ATP8A1: variants seen among roughly 807,000 people sequenced by gnomAD.
ATP8A1 encodes ATPase phospholipid transporting 8A1.
ATP8A1 carries 90 observed loss-of-function variants against 177.7 expected under a neutral mutation model. That is an observed-to-expected ratio of 0.51 (90% CI 0.43 to 0.60). The LOEUF (loss-of-function observed/expected upper bound fraction) is 0.60, where lower values mean the gene tolerates loss of function less well. Ranked by LOEUF, ATP8A1 falls within the 20% of genes least tolerant of loss-of-function variation. The pLI, the probability that ATP8A1 is intolerant of heterozygous loss-of-function variation, is 0.00. For missense variants in ATP8A1, 1,072 were observed against 1,392.8 expected (o/e 0.77, Z 3.67); for synonymous variants, 493 against 485.9 (o/e 1.01, Z -0.19).
At chr4:42,477,111 C>G (rs960386610) in intron 25 of ATP8A1, among the ~76,000 whole-genome samples, 9 of 152,088 alleles carry the variant, frequency 5.9e-5, no homozygotes, top group Non-Finnish European at 1.3e-4. Context: ...TCCCATTGTT[C>G]ACCGCTCTAT....
At chr4:42,546,530 ATG>A (rs1728945190) in intron 19 of ATP8A1, among the ~76,000 whole-genome samples, 2 of 151,796 alleles carry the variant, frequency 1.3e-5, no homozygotes, top group South Asian at 4.1e-4. Context: ...ATGTATACAT[ATG>A]TAACAAACCT....
chr4:42,618,805 T>C (rs1261593715), intron 4 of ATP8A1, among the ~76,000 whole-genome samples: 8 of 152,222 alleles, frequency 5.3e-5, no homozygotes, highest in Non-Finnish European at 5.9e-5. Flanking sequence ...ATTCATTTTC[T>C]TACTTTTCAC....
rs114693256 is a variant in ATP8A1, at chr4:42,450,194, T to C, written c.2896+1787A>G. On this transcript the variant is annotated intron_variant, in intron 30 of 36. Transcript: ENST00000381668. ...ATTATTCAGCCATAAAAAGGAAGTA[T>C]TGATTCCAGCTGCAACATGGATGAA... is the stretch of plus-strand genomic sequence containing the variant. Among the ~76,000 whole-genome samples the C allele has an allele frequency of 1.9e-4, 29 of 152,282 alleles. 1 individual carries two copies. The highest frequency in any genetic ancestry group is 6.0e-4 in the African/African-American group (25 of 41,556).
At chr4:42,516,556 A>T (rs1171499400) in intron 22 of ATP8A1, among the ~76,000 whole-genome samples, 2 of 152,388 alleles carry the variant, frequency 1.3e-5, no homozygotes, top group Middle Eastern at 3.4e-3. Context: ...TTTCAGAAAC[A>T]CAGAAATTAT....
At chr4:42,427,339 T>A (rs1714740110) in intron 33 of ATP8A1, among the ~76,000 whole-genome samples, 1 of 152,134 alleles carries the variant, frequency 6.6e-6, no homozygotes, top group African/African-American at 2.4e-5. Context: ...ATAGCTGCAA[T>A]CTCAAGAGAT....
intron 33 of ATP8A1, among the ~76,000 whole-genome samples, chr4:42,430,486 T>C (rs1276874538): frequency 6.6e-6 from 1 of 152,084 alleles, no homozygotes; most frequent in Non-Finnish European, 1.5e-5. Context: ...GTGCCTTTTT[T>C]TTTTTTCTCC....
intron 36 of ATP8A1, 68 bp from the exon 37 acceptor site, chr4:42,413,081 G>A: frequency 1.5e-6 from 2 of 1,341,780 alleles, no homozygotes; most frequent in Admixed American, 1.9e-5. Context: ...CTGACTTTTG[G>A]GTATTCATTT....
intron 1 of ATP8A1, among the ~76,000 whole-genome samples, chr4:42,653,884 T>A (rs905839656): frequency 5.9e-5 from 9 of 152,212 alleles, no homozygotes; most frequent in Non-Finnish European, 1.3e-4. Flanking sequence ...TTAAGAACTC[T>A]GAAATAAGCC....
rs557851428 is a variant in ATP8A1, at chr4:42,646,827, A to T, written c.49+9998T>A. The stretch of plus-strand genomic sequence containing the variant: ...TGAACAGAGGCTCAATTTAAAACAG[A>T]CACCTCTCTTTGCCAAGTCAATTAG... On this transcript the variant is annotated intron_variant, in intron 1 of 36. Transcript: ENST00000381668. Among the ~76,000 whole-genome samples, 76 of 152,294 alleles carry T rather than the reference A, an allele frequency of 5.0e-4. 1 individual carries two copies. The South Asian group carries it at 0.015, about 30-fold the overall frequency.
At chr4:42,439,629 C>T (rs1214994540) in intron 33 of ATP8A1, among the ~76,000 whole-genome samples, 2 of 152,192 alleles carry the variant, frequency 1.3e-5, no homozygotes, top group East Asian at 1.9e-4. Flanking sequence ...GAAATGGTTA[C>T]TGTGGCACTG....
intron 24 of ATP8A1, among the ~76,000 whole-genome samples, chr4:42,502,136 C>T (rs753349255): frequency 2.6e-5 from 4 of 151,944 alleles, no homozygotes; most frequent in Non-Finnish European, 5.9e-5. Context: ...TGTGCTAGGC[C>T]ATTTGCAGGG....
intron 19 of ATP8A1, among the ~76,000 whole-genome samples, chr4:42,546,108 C>G (rs1462233922): frequency 1.3e-5 from 2 of 152,140 alleles, no homozygotes; most frequent in African/African-American, 4.8e-5. Context: ...CTTCCTTACA[C>G]ATGCCTGTGA....
At chr4:42,525,877 T>G (rs1240753817) in intron 20 of ATP8A1, among the ~76,000 whole-genome samples, 1 of 152,008 alleles carries the variant, frequency 6.6e-6, no homozygotes, top group African/African-American at 2.4e-5. Flanking sequence ...ACAGATGGAG[T>G]ATTCCAAGCC....
intron 22 of ATP8A1, among the ~76,000 whole-genome samples, chr4:42,511,124 T>C (rs1724963723): frequency 6.6e-6 from 1 of 152,238 alleles, no homozygotes; most frequent in African/African-American, 2.4e-5. Flanking sequence ...CACTGGTTAA[T>C]TTTAGCAGAA....
chr4:42,462,490 G>T (rs1420011017), intron 27 of ATP8A1, among the ~76,000 whole-genome samples: 1 of 152,244 alleles, frequency 6.6e-6, no homozygotes, highest in Non-Finnish European at 1.5e-5. Flanking sequence ...TGTTGAGCCT[G>T]AGAGTGCACA....
intron 20 of ATP8A1, among the ~76,000 whole-genome samples, chr4:42,539,767 T>C (rs555051691): frequency 2.0e-5 from 3 of 152,192 alleles, no homozygotes; most frequent in South Asian, 4.1e-4. Flanking sequence ...AACTGAACCC[T>C]TATCTCTTGC....
chr4:42,513,094 T>G (rs1450114799), intron 22 of ATP8A1, among the ~76,000 whole-genome samples: 1 of 152,224 alleles, frequency 6.6e-6, no homozygotes, highest in East Asian at 1.9e-4. Flanking sequence ...CAACTCCTGA[T>G]GTAGAATGCT....
intron 24 of ATP8A1, among the ~76,000 whole-genome samples, chr4:42,497,199 C>A (rs1337397536): frequency 6.6e-6 from 1 of 152,160 alleles, no homozygotes; most frequent in Non-Finnish European, 1.5e-5. Flanking sequence ...ATTTAAGATT[C>A]CAGCACTTGC....
intron 1 of ATP8A1, among the ~76,000 whole-genome samples, chr4:42,627,718 G>C (rs1316728054): frequency 1.3e-5 from 2 of 152,104 alleles, no homozygotes; most frequent in African/African-American, 4.8e-5. Flanking sequence ...TGGGTACTTT[G>C]TTGCAATGTT....
Sources: gnomAD v4.1 joint callset for allele counts (sites outside exome capture counted in the v4.1 genomes callset) on GRCh38, gnomAD v4.1.1 for gene constraint, MANE v1.5 for transcripts, NCBI Gene and HGNC (gene_info 2026-07-23, HGNC 2026-07-21) for gene names.